The following COPZ1 variants were observed in gnomAD, a reference collection of about 807,000 sequenced individuals.
The protein encoded by COPZ1 is coat protein complex I subunit zeta 1.
A neutral mutation model predicts 31.7 loss-of-function variants in COPZ1; 4 were observed. The observed-to-expected ratio is 0.13, with a 90% CI of 0.06 to 0.29. COPZ1 has a LOEUF of 0.29. Among genes scored for constraint, COPZ1 ranks in the 10% least tolerant of loss-of-function variants. The probability of loss-of-function intolerance (pLI) is 1.00; values close to 1 mark genes in which losing one functional copy is unlikely to be tolerated. For synonymous variants in COPZ1, 74 were observed against 79.0 expected (o/e 0.94, Z 0.33); for missense variants, 156 against 211.5 (o/e 0.74, Z 1.63).
rs1208615573 is a variant in COPZ1 at position 54,334,474 on chromosome 12, ATTC to A, written c.19-6067_19-6065del. 2.6e-5 allele frequency among the ~76,000 whole-genome samples: 4 copies of A among 152,058 alleles called. 1 individual carries two copies. In the South Asian group the frequency reaches 6.2e-4, roughly 24 times the overall value. ...TCTTCCCTGTCAAAGACTTTAGCTA[ATTC>A]TTCTTTTCTTTTCATCTGAAGTCTA... On this transcript the variant is annotated intron_variant, in intron 1 of 8. Coordinates refer to ENST00000262061, the MANE Select transcript of COPZ1 (RefSeq NM_016057.3).
intron 5 of COPZ1, among the ~76,000 whole-genome samples, 170 bp downstream of exon 5, chr12:54,345,685 C>G (rs1471222488): frequency 8.5e-5 from 13 of 152,104 alleles, no homozygotes; most frequent in African/African-American, 1.7e-4. Context: ...TTGCCGGGCT[C>G]AGTGGCTCAC....
intron 2 of COPZ1, 144 bp from the exon 3 acceptor site, chr12:54,342,062 A>G (rs942342421): frequency 1.7e-5 from 11 of 633,868 alleles, no homozygotes; most frequent in Middle Eastern, 2.5e-4. Flanking sequence ...TGCCTCTACA[A>G]TCCTTCCTTT....
Position 54,325,142 on chromosome 12 carries a change from T to G in COPZ1, c.-22T>G, listed in dbSNP as rs376703096. On this transcript the variant is annotated 5_prime_UTR_variant, in exon 1 of 9. Coordinates refer to ENST00000262061, the MANE Select transcript of COPZ1 (RefSeq NM_016057.3). ...GCGGCGTTTCTTTTGCGGCTCCACG[T>G]CGGCACCAGCTGCGGGGCAAGATGG... 5 of 1,561,564 alleles carry G rather than the reference T, an allele frequency of 3.2e-6. No homozygotes were observed. Among genetic ancestry groups the G allele is most frequent in the Non-Finnish European group, 3.5e-6 (4 of 1,153,274 alleles).
chr12:54,345,547 G>A (rs1565596442), intron 5 of COPZ1, 32 bp downstream of exon 5: 1 of 1,548,788 alleles, frequency 6.5e-7, no homozygotes, highest in Non-Finnish European at 8.9e-7. Context: ...TTCCCCTCAA[G>A]TTATGATGGA....
At chr12:54,333,072 G>C (rs1953785845) in intron 1 of COPZ1, among the ~76,000 whole-genome samples, 1 of 151,918 alleles carries the variant, frequency 6.6e-6, no homozygotes, top group African/African-American at 2.4e-5. Flanking sequence ...ACAGAGTCTT[G>C]CTCTGTCATC....
At chr12:54,331,173 CTTTTTTTTT>C (rs1000222358) in intron 1 of COPZ1, among the ~76,000 whole-genome samples, 2 of 80,270 alleles carry the variant, frequency 2.5e-5, no homozygotes, top group African/African-American at 1.0e-4. Flanking sequence ...TTTTCACACT[CTTTTTTTTT>C]TTTTTTTTTT....
intron 2 of COPZ1, among the ~76,000 whole-genome samples, 156 bp downstream of exon 2, chr12:54,340,771 AC>A (rs1436166330): frequency 6.6e-6 from 1 of 151,586 alleles, no homozygotes; most frequent in Non-Finnish European, 1.5e-5. Context: ...CGCTCTTATC[AC>A]CCAGGCTGGA....
intron 2 of COPZ1, 55 bp from the exon 3 acceptor site, chr12:54,342,151 T>A: frequency 1.6e-6 from 2 of 1,257,406 alleles, no homozygotes; most frequent in Non-Finnish European, 2.3e-6. Context: ...TAGTCACTAA[T>A]CATTCTGGCT....
intron 2 of COPZ1, 106 bp from the exon 3 acceptor site, chr12:54,342,100 A>T (rs1238501444): frequency 7.7e-6 from 6 of 776,722 alleles, no homozygotes; most frequent in African/African-American, 6.8e-5. Context: ...CCCTTGCCCC[A>T]TGCCTTGAAG....
intron 4 of COPZ1, 64 bp downstream of exon 4, chr12:54,343,380 G>A (rs1441527530): frequency 1.4e-5 from 20 of 1,401,984 alleles, no homozygotes; most frequent in Non-Finnish European, 1.8e-5. Context: ...GCAGTACATA[G>A]CCACTGGTTT....
At chr12:54,346,816 A>G (rs2137111842) in intron 5 of COPZ1, 1 of 565,370 alleles carries the variant, frequency 1.8e-6, no homozygotes. Context: ...TGATCATGCT[A>G]CTGCACTCCA....
At position 54,351,328 on chromosome 12, in the gene COPZ1, T is replaced by C. The variant is rs1954143978; in HGVS notation, c.*805T>C. 6.6e-6 allele frequency: 1 copy of C among 152,158 alleles called. No homozygotes were observed. The highest frequency in any genetic ancestry group is 6.5e-5 in the Admixed American group (1 of 15,274). The allele number at this position is 152,158 out of a possible 1,614,324, so 9.4% of individuals were successfully genotyped here. ...CCAGTTCCTAAAACTAAAACTCCAT[T>C]CTAGTCTTGGGAAGAAAAGTTTCTA... is the stretch of plus-strand genomic sequence containing the variant. On this transcript the variant is annotated 3_prime_UTR_variant, in exon 9 of 9. Coordinates refer to ENST00000262061, the MANE Select transcript of COPZ1 (RefSeq NM_016057.3).
intron 3 of COPZ1, among the ~76,000 whole-genome samples, chr12:54,342,954 T>C (rs1213872054): frequency 6.6e-6 from 1 of 150,752 alleles, no homozygotes; most frequent in Non-Finnish European, 1.5e-5. Flanking sequence ...CCTCCCAGGT[T>C]CAAGTGGTTC....
intron 7 of COPZ1, 197 bp downstream of exon 7, chr12:54,348,248 A>G: frequency 1.7e-6 from 1 of 593,552 alleles, no homozygotes; most frequent in East Asian, 2.8e-5. Context: ...ACTTATTTCT[A>G]CCCCTAATAT....
At chr12:54,336,078 CATTA>C (rs1183758245) in intron 1 of COPZ1, among the ~76,000 whole-genome samples, 1 of 152,148 alleles carries the variant, frequency 6.6e-6, no homozygotes, top group African/African-American at 2.4e-5. Flanking sequence ...TCAAATAATT[CATTA>C]TAGTTTCCAA....
intron 1 of COPZ1, among the ~76,000 whole-genome samples, chr12:54,340,134 C>T (rs766801418): frequency 6.6e-6 from 1 of 152,048 alleles, no homozygotes; most frequent in East Asian, 1.9e-4. Context: ...CTAGGACATT[C>T]AACCCTATTT....
At chr12:54,341,530 C>CA (rs1486949980) in intron 2 of COPZ1, among the ~76,000 whole-genome samples, 1 of 152,184 alleles carries the variant, frequency 6.6e-6, no homozygotes, top group African/African-American at 2.4e-5. Context: ...TGCAGGACAC[C>CA]TTTTGAAACA....
intron 1 of COPZ1, among the ~76,000 whole-genome samples, chr12:54,338,206 A>G (rs543368341): frequency 1.3e-5 from 2 of 152,326 alleles, no homozygotes; most frequent in African/African-American, 2.4e-5. Context: ...TTTCCAGGAA[A>G]AGGTTGTGGG....
chr12:54,326,127 T>TAATAATAATAATA (rs1565586871), intron 1 of COPZ1, among the ~76,000 whole-genome samples: 1 of 142,130 alleles, frequency 7.0e-6, no homozygotes, highest in East Asian at 2.1e-4. Context: ...GGCCAGGAAT[T>TAATAATAATAATA]ATTATTATTA....
Sources: gnomAD v4.1 joint callset for allele counts (sites outside exome capture counted in the v4.1 genomes callset) on GRCh38, gnomAD v4.1.1 for gene constraint, MANE v1.5 for transcripts, NCBI Gene and HGNC (gene_info 2026-07-23, HGNC 2026-07-21) for gene names.